The following INVS variants were observed in gnomAD, a reference collection of about 807,000 sequenced individuals.
The protein encoded by INVS is inversin.
In INVS, 86 loss-of-function variants were observed where a neutral mutation model predicts 108.8. That is an observed-to-expected ratio of 0.79 (90% confidence interval 0.66 to 0.95). INVS has a LOEUF of 0.95. Ranked by LOEUF, INVS falls within the 40% of genes least tolerant of loss-of-function variation. The pLI, the probability that INVS is intolerant of heterozygous loss-of-function variation, is 0.00. For synonymous variants in INVS, 455 were observed against 473.5 expected (o/e 0.96, Z 0.51); for missense variants, 1,169 against 1,297.4 (o/e 0.90, Z 1.52).
chr9:100,222,081 G>C (rs1171011286), intron 3 of INVS, among the ~76,000 whole-genome samples: 2 of 151,960 alleles, frequency 1.3e-5, no homozygotes, highest in South Asian at 2.1e-4. Context: ...TCCTAATCTT[G>C]GTTCTTAATC....
chr9:100,181,270 G>A (rs185302538), intron 3 of INVS, among the ~76,000 whole-genome samples: 2 of 152,262 alleles, frequency 1.3e-5, no homozygotes, highest in African/African-American at 2.4e-5. Flanking sequence ...TCTGGCCAGG[G>A]CAATCAGGCA....
In INVS at chr9:100,229,706, T is replaced by A; in HGVS notation, c.494T>A (p.Val165Glu). The part of the protein sequence containing the change: ...WSAYYNNPEH[V>E]KLLIKHDSNI... ...GCCTACTACAATAACCCTGAGCATG[T>A]GAAGCTGCTCATCAAGCATGATTCT... is the stretch of plus-strand genomic sequence containing the variant. Residue 165 changes from valine to glutamate, a missense_variant, in exon 5 of 17, where the codon GTG becomes GAG. Transcript: ENST00000262457. 2 of 1,614,118 alleles carry A rather than the reference T, an allele frequency of 1.2e-6. No individual in the cohort carries two copies. Among genetic ancestry groups the A allele is most frequent in the Non-Finnish European group, 1.7e-6 (2 of 1,179,998 alleles).
chr9:100,224,543 T>C (rs1352053862), intron 3 of INVS, among the ~76,000 whole-genome samples: 2 of 152,260 alleles, frequency 1.3e-5, no homozygotes, highest in East Asian at 3.9e-4. Flanking sequence ...AAAGCTGCCA[T>C]GTTACACAGA....
intron 13 of INVS, among the ~76,000 whole-genome samples, chr9:100,285,090 A>G (rs1178893215): frequency 1.3e-5 from 2 of 152,124 alleles, no homozygotes; most frequent in African/African-American, 2.4e-5. Flanking sequence ...AGAGCTTTCT[A>G]TGGCCAATCT....
intron 8 of INVS, among the ~76,000 whole-genome samples, chr9:100,251,900 T>C (rs1564176337): frequency 6.6e-6 from 1 of 152,230 alleles, no homozygotes; most frequent in Non-Finnish European, 1.5e-5. Context: ...TTGAGTGGGT[T>C]GTTGGGCAGA....
At position 100,201,641 on chromosome 9, in the gene INVS, G is replaced by A. The variant is rs367914921; in HGVS notation, c.274-24421G>A. Among the ~76,000 whole-genome samples the A allele has an allele frequency of 1.7e-4, 26 of 152,216 alleles. 1 individual carries two copies. Among genetic ancestry groups the A allele is most frequent in the Admixed American group, 9.8e-4 (15 of 15,292 alleles). On this transcript the variant is annotated intron_variant, in intron 3 of 16. Transcript: ENST00000262457. The stretch of plus-strand genomic sequence containing the variant: ...TTATAGACATAAATTTCCACAAAAG[G>A]TTTTAAATATTTCATCCCACAACAA...
At chr9:100,102,200 C>T (rs1827017210) in intron 1 of INVS, among the ~76,000 whole-genome samples, 1 of 152,026 alleles carries the variant, frequency 6.6e-6, no homozygotes, top group Non-Finnish European at 1.5e-5. Flanking sequence ...CAAATTCAAG[C>T]AATTCTCCCA....
At chr9:100,146,087 C>CG (rs1828601912) in intron 3 of INVS, among the ~76,000 whole-genome samples, 1 of 83,622 alleles carries the variant, frequency 1.2e-5, no homozygotes, top group African/African-American at 1.0e-4. Context: ...CAAGGGAGGT[C>CG]CCCCCGATCC....
chr9:100,279,005 A>C (rs1427844319), intron 12 of INVS, among the ~76,000 whole-genome samples: 1 of 152,254 alleles, frequency 6.6e-6, no homozygotes, highest in African/African-American at 2.4e-5. Context: ...ACTGTTTACA[A>C]GTCTTATCCC....
intron 2 of INVS, among the ~76,000 whole-genome samples, chr9:100,107,700 C>T (rs1009865541): frequency 6.6e-6 from 1 of 152,156 alleles, no homozygotes; most frequent in Non-Finnish European, 1.5e-5. Context: ...TCATTGTATT[C>T]CCTCTTGGCC....
intron 3 of INVS, among the ~76,000 whole-genome samples, chr9:100,159,916 G>A (rs2119006945): frequency 6.6e-6 from 1 of 152,280 alleles, no homozygotes; most frequent in Non-Finnish European, 1.5e-5. Flanking sequence ...TGACCGTAAT[G>A]AAAATGCTGC....
intron 3 of INVS, among the ~76,000 whole-genome samples, chr9:100,160,919 C>T (rs1191155195): frequency 1.5e-5 from 2 of 133,098 alleles, no homozygotes; most frequent in East Asian, 5.1e-4. Context: ...CACACCACTA[C>T]ACTCCAGCCT....
At chr9:100,257,374 G>T (rs1242475865) in intron 10 of INVS, among the ~76,000 whole-genome samples, 5 of 152,170 alleles carry the variant, frequency 3.3e-5, no homozygotes, top group African/African-American at 1.2e-4. Flanking sequence ...TTGCCAGTCT[G>T]TGTCTTTTAA....
chr9:100,146,194 C>T (rs1009991678), intron 3 of INVS, among the ~76,000 whole-genome samples: 1 of 152,002 alleles, frequency 6.6e-6, no homozygotes, highest in Non-Finnish European at 1.5e-5. Context: ...TGGGTGCAGG[C>T]GGGCTGAGTC....
intron 8 of INVS, 56 bp from the exon 9 acceptor site, chr9:100,252,227 T>TTA: frequency 6.5e-7 from 1 of 1,531,780 alleles, no homozygotes; most frequent in Middle Eastern, 1.7e-4. Flanking sequence ...ATATAATAAT[T>TTA]TAAAAGGTGA....
intron 3 of INVS, among the ~76,000 whole-genome samples, chr9:100,149,430 C>G (rs544710521): frequency 6.6e-6 from 1 of 152,294 alleles, no homozygotes; most frequent in African/African-American, 2.4e-5. Flanking sequence ...TCAATGCTAG[C>G]TAGGCTACTT....
At chr9:100,298,055 A>T in intron 16 of INVS, 45 bp downstream of exon 16, 5 of 1,613,926 alleles carry the variant, frequency 3.1e-6, no homozygotes, top group Non-Finnish European at 4.2e-6. Context: ...GAACATGGGG[A>T]AGCATTTTCC....
chr9:100,113,059 C>G (rs1009785607), intron 2 of INVS, among the ~76,000 whole-genome samples: 1 of 152,200 alleles, frequency 6.6e-6, no homozygotes, highest in Non-Finnish European at 1.5e-5. Context: ...ATAAGTATCA[C>G]TGACTCCAGA....
intron 2 of INVS, among the ~76,000 whole-genome samples, chr9:100,114,716 C>G (rs1236026531): frequency 6.6e-6 from 1 of 152,126 alleles, no homozygotes; most frequent in Non-Finnish European, 1.5e-5. Flanking sequence ...AAGTGGATTT[C>G]TTTCACTTGA....
Sources: allele counts gnomAD v4.1 joint callset (sites outside exome capture counted in the v4.1 genomes callset), GRCh38; gene constraint gnomAD v4.1.1; transcripts MANE v1.5; gene names NCBI Gene and HGNC (gene_info 2026-07-23, HGNC 2026-07-21).